Variants in RALYL observed in about 807,000 individuals in gnomAD.
RALYL encodes RALY RNA binding protein like.
A neutral mutation model predicts 35.1 loss-of-function variants in RALYL; 29 were observed. That is an observed-to-expected ratio of 0.83 (90% CI 0.61 to 1.13). RALYL has a LOEUF of 1.13. Ranked by LOEUF, RALYL falls within the 50% of genes most tolerant of loss-of-function variation. The pLI, the probability that RALYL is intolerant of heterozygous loss-of-function variation, is 0.00. For missense variants in RALYL, 359 were observed against 360.4 expected (o/e 1.00, Z 0.03); for synonymous variants, 120 against 127.6 (o/e 0.94, Z 0.40).
rs181955183 is a variant in RALYL at position 84,782,051 on chromosome 8, A to C, written c.332+7397A>C. ...CGCGCGCACACACACACACACACAC[A>C]CACACACACACAGGTTTTAAAGCTG... On this transcript the variant is annotated intron_variant, in intron 3 of 8. Transcript: ENST00000521268. 1.2e-3 allele frequency among the ~76,000 whole-genome samples: 190 copies of C among 152,216 alleles called. 1 individual carries two copies. The highest frequency in any genetic ancestry group is 3.6e-3 in the African/African-American group (148 of 41,524).
At chr8:84,644,184 A>G (rs887214451) in intron 2 of RALYL, among the ~76,000 whole-genome samples, 4 of 152,092 alleles carry the variant, frequency 2.6e-5, no homozygotes, top group African/African-American at 9.7e-5. Flanking sequence ...CAATATGCTT[A>G]AGGGTTACAT....
intron 4 of RALYL, among the ~76,000 whole-genome samples, chr8:84,847,606 A>G (rs1834939066): frequency 6.6e-6 from 1 of 152,176 alleles, no homozygotes; most frequent in Admixed American, 6.5e-5. Context: ...GCATCCCTCA[A>G]CTCAATGTCA....
chr8:84,238,860 T>C (rs974160520), intron 1 of RALYL, among the ~76,000 whole-genome samples: 2 of 152,140 alleles, frequency 1.3e-5, no homozygotes, highest in African/African-American at 4.8e-5. Context: ...GATCTGTAAT[T>C]AATATAATGA....
intron 2 of RALYL, among the ~76,000 whole-genome samples, chr8:84,660,544 A>G (rs543591343): frequency 1.3e-5 from 2 of 151,960 alleles, no homozygotes; most frequent in South Asian, 4.2e-4. Flanking sequence ...GAATCATTTC[A>G]TAGAGTTTAT....
chr8:84,650,939 G>A (rs1828661633), intron 2 of RALYL, among the ~76,000 whole-genome samples: 1 of 152,016 alleles, frequency 6.6e-6, no homozygotes, highest in African/African-American at 2.4e-5. Context: ...GATGAAATTG[G>A]AAATCATCAT....
intron 4 of RALYL, among the ~76,000 whole-genome samples, chr8:84,840,780 T>C (rs1001441860): frequency 1.3e-5 from 2 of 152,170 alleles, no homozygotes; most frequent in African/African-American, 2.4e-5. Flanking sequence ...CGGCAGAAAC[T>C]CTACAAGCCA....
At chr8:84,559,419 C>T (rs1177757031) in intron 2 of RALYL, among the ~76,000 whole-genome samples, 1 of 151,916 alleles carries the variant, frequency 6.6e-6, no homozygotes, top group Non-Finnish European at 1.5e-5. Context: ...GAAAACAGAT[C>T]CTTTGTCCTT....
intron 1 of RALYL, among the ~76,000 whole-genome samples, chr8:84,364,369 G>T (rs1419475769): frequency 6.6e-6 from 1 of 152,056 alleles, no homozygotes; most frequent in African/African-American, 2.4e-5. Flanking sequence ...TATCTGCTTT[G>T]ACAATAACCC....
chr8:84,556,923 T>C (rs998783962), intron 2 of RALYL, among the ~76,000 whole-genome samples: 17 of 152,166 alleles, frequency 1.1e-4, no homozygotes, highest in Non-Finnish European at 2.9e-5. Context: ...GAATGGGAAA[T>C]AAATATTAAA....
chr8:84,909,224 T>C (rs1417053960), intron 8 of RALYL, among the ~76,000 whole-genome samples: 1 of 152,168 alleles, frequency 6.6e-6, no homozygotes, highest in Non-Finnish European at 1.5e-5. Flanking sequence ...TCATAAATAC[T>C]GTATACACAT....
At chr8:84,669,476 T>TCCC (rs1303807313) in intron 2 of RALYL, among the ~76,000 whole-genome samples, 2 of 10,668 alleles carry the variant, frequency 1.9e-4, no homozygotes, top group Non-Finnish European at 1.9e-4. Context: ...CCACATCTTC[T>TCCC]CCCTCCCCCC....
At position 84,861,018 on chromosome 8, in the gene RALYL, A is replaced by G. The variant is rs76081505; in HGVS notation, c.414-1278A>G. On this transcript the variant is annotated intron_variant, in intron 5 of 8. Transcript: ENST00000521268. ...AATAGATGATCACATTTTCATCTGT[A>G]TGTATAAACAAGATGTAATTTTATG... Among the ~76,000 whole-genome samples, 3 of 152,244 alleles carry G rather than the reference A, an allele frequency of 2.0e-5. No homozygotes were observed. The East Asian group carries it at 5.8e-4, about 29-fold the overall frequency.
At chr8:84,884,627 G>C (rs1842683998) in intron 7 of RALYL, among the ~76,000 whole-genome samples, 1 of 151,950 alleles carries the variant, frequency 6.6e-6, no homozygotes, top group Admixed American at 6.6e-5. Flanking sequence ...GGAATCATTA[G>C]AGAAGAAATG....
Position 84,556,186 on chromosome 8 carries a change from C to T in RALYL, c.256+26609C>T, listed in dbSNP as rs144172835. 7.2e-5 allele frequency among the ~76,000 whole-genome samples: 11 copies of T among 152,180 alleles called. No homozygotes were observed. In the East Asian group the frequency reaches 1.7e-3, roughly 24 times the overall value. The stretch of plus-strand genomic sequence containing the variant: ...AAATTACTATTTAAGTTGCATTTTG[C>T]GTGTACTTTTCAGAATTTTAAAAAG... On this transcript the variant is annotated intron_variant, in intron 2 of 8. Coordinates refer to ENST00000521268, the MANE Select transcript of RALYL (RefSeq NM_173848.7).
chr8:84,336,914 C>G (rs1847907403), intron 1 of RALYL, among the ~76,000 whole-genome samples: 1 of 151,558 alleles, frequency 6.6e-6, no homozygotes, highest in Admixed American at 6.6e-5. Context: ...TCCATAGACA[C>G]TAGTTTGAAC....
chr8:84,862,220 C>A, intron 5 of RALYL, 76 bp from the exon 6 acceptor site: 1 of 1,221,288 alleles, frequency 8.2e-7, no homozygotes, highest in Non-Finnish European at 1.1e-6. Flanking sequence ...CCAGGACATT[C>A]TGTTCAACAT....
intron 2 of RALYL, among the ~76,000 whole-genome samples, chr8:84,687,768 T>G (rs954614418): frequency 6.6e-6 from 1 of 152,088 alleles, no homozygotes. Context: ...TTTTTTTGTT[T>G]GGGGTATTCA....
chr8:84,914,141 C>T (rs1848045617), intron 8 of RALYL, among the ~76,000 whole-genome samples: 1 of 151,850 alleles, frequency 6.6e-6, no homozygotes, highest in South Asian at 2.1e-4. Context: ...AATATTTCTA[C>T]TTGTAGTACT....
chr8:84,552,413 C>G (rs2060810811), intron 2 of RALYL, among the ~76,000 whole-genome samples: 1 of 111,998 alleles, frequency 8.9e-6, no homozygotes, highest in Non-Finnish European at 1.6e-5. Context: ...GCAAAGGTAG[C>G]TCTGTCAAAC....
Sources: gnomAD v4.1 joint callset for allele counts (sites outside exome capture counted in the v4.1 genomes callset) on GRCh38, gnomAD v4.1.1 for gene constraint, MANE v1.5 for transcripts, NCBI Gene and HGNC (gene_info 2026-07-23, HGNC 2026-07-21) for gene names.